Variants in PTCD3 observed in about 807,000 individuals in gnomAD.
PTCD3 encodes the protein small ribosomal subunit protein mS39.
A neutral mutation model predicts 101.9 loss-of-function variants in PTCD3; 89 were observed. The observed-to-expected ratio is 0.87, with a 90% CI of 0.74 to 1.04. PTCD3 has a LOEUF of 1.04. PTCD3 is among the 50% of genes least tolerant of loss of function. The probability of loss-of-function intolerance (pLI) is 0.00; values close to 1 mark genes in which losing one functional copy is unlikely to be tolerated. For missense variants in PTCD3, 870 were observed against 828.2 expected, an observed-to-expected ratio of 1.05 and a Z score of -0.62; for synonymous variants, 296 against 278.5, an observed-to-expected ratio of 1.06 and a Z score of -0.63.
intron 10 of PTCD3, 152 bp downstream of exon 10, chr2:86,125,234 A>T: frequency 2.3e-6 from 3 of 1,287,310 alleles, no homozygotes; most frequent in Non-Finnish European, 3.2e-6. Context: ...TACCCACTGG[A>T]TGTGAGTAGT....
At position 86,133,236 on chromosome 2, in the gene PTCD3, T is replaced by C. The variant is rs769800860; in HGVS notation, c.1432T>C (p.Tyr478His). ...MEQIDVTLKW[Y>H]EDLIPSAYFP... ...ACAAATTGATGTTACCTTGAAGTGG[T>C]ATGAGGACCTGATACCTTCAGTAAG... The change falls in exon 18 of 24, where the codon TAT becomes CAT. Residue 478 changes from tyrosine to histidine, a missense_variant. By Grantham distance (83) the Tyr-to-His change is moderately conservative. Coordinates refer to ENST00000254630, the MANE Select transcript of PTCD3 (RefSeq NM_017952.6). The C allele has an allele frequency of 3.1e-6, 5 of 1,614,174 alleles. No individual in the cohort carries two copies. Among genetic ancestry groups the C allele is most frequent in the Non-Finnish European group, 4.2e-6 (5 of 1,180,014 alleles).
Position 86,134,294 on chromosome 2 carries a change from A to G in PTCD3, c.1546A>G (p.Ser516Gly). 1 of 1,604,932 alleles carries G rather than the reference A, an allele frequency of 6.2e-7. No homozygotes were observed. The highest frequency in any genetic ancestry group is 8.5e-7 in the Non-Finnish European group (1 of 1,171,824). ...CCTTGTTCCTTTCTTGTTTCAAGAT[A>G]GTAAAGAATATGGTCATACTTTCCG... ...LEVIPKIWKD[S>G]KEYGHTFRSD... Residue 516 changes from serine (S) to glycine (G), a missense_variant and splice_region_variant, in exon 20 of 24, where the codon AGT becomes GGT. Coordinates refer to ENST00000254630, the MANE Select transcript of PTCD3 (RefSeq NM_017952.6).
At chr2:86,124,481 T>C (rs554366178) in intron 9 of PTCD3, among the ~76,000 whole-genome samples, 2 of 152,246 alleles carry the variant, frequency 1.3e-5, no homozygotes, top group South Asian at 4.2e-4. Flanking sequence ...AACAATTAGC[T>C]AGGCGTGGTG....
In PTCD3 at chr2:86,139,065, G is replaced by A. The variant is rs1674641972; in HGVS notation, c.*1506G>A. ...TGATTTGTTAGCTTGGTACTTTTAA[G>A]TTTGTGGTACAGATCCTCCAAACCC... On this transcript the variant is annotated 3_prime_UTR_variant, in exon 24 of 24. Transcript: ENST00000254630. 1 of 152,208 alleles carries A rather than the reference G, an allele frequency of 6.6e-6. No homozygotes were observed. The highest frequency in any genetic ancestry group is 2.1e-4 in the South Asian group (1 of 4,832). The allele number at this position is 152,208 out of a possible 1,614,324, so 9.4% of individuals were successfully genotyped here.
rs781082336 is a variant in PTCD3 at position 86,127,272 on chromosome 2, C to T, written c.1063C>T (p.Gln355Ter). The T allele has an allele frequency of 3.7e-6, 6 of 1,613,998 alleles. No individual in the cohort carries two copies. The highest frequency in any genetic ancestry group is 5.1e-6 in the Non-Finnish European group (6 of 1,180,026). Reference sequence around the variant, plus strand: ...TGTGTTTGCAAGATCGCCAGCCTTACAGGTTTTACGTGAAATGAAAGCCAT... The same window carrying T: ...TGTGTTTGCAAGATCGCCAGCCTTATAGGTTTTACGTGAAATGAAAGCCAT... ...FHVFARSPAL[Q>*]VLREMKAIGI... The change falls in exon 13 of 24, where the codon CAG becomes TAG. Residue 355 changes from glutamine to a stop codon, truncating the protein, a stop_gained. Coordinates refer to ENST00000254630, the MANE Select transcript of PTCD3 (RefSeq NM_017952.6). LOFTEE classifies it high-confidence loss of function.
intron 9 of PTCD3, 55 bp from the exon 10 acceptor site, chr2:86,124,939 TA>T: frequency 6.3e-7 from 1 of 1,597,662 alleles, no homozygotes; most frequent in Non-Finnish European, 8.5e-7. Flanking sequence ...TAAATGGTGG[TA>T]GCTCTCATTG....
chr2:86,130,636 C>T lies in PTCD3; in HGVS notation c.1148-12C>T. ...GAAGTGGATTAAACACATTTGCTTT[C>T]TTGTTCTGCAGGAGACCCTTTAAAG... On this transcript the variant is annotated splice_polypyrimidine_tract_variant and intron_variant, in intron 14 of 23. Coordinates refer to ENST00000254630, the MANE Select transcript of PTCD3 (RefSeq NM_017952.6). 1 of 1,605,254 alleles carries T rather than the reference C, an allele frequency of 6.2e-7. No individual in the cohort carries two copies. Among genetic ancestry groups the T allele is most frequent in the Non-Finnish European group, 8.5e-7 (1 of 1,176,052 alleles).
rs1674687417 is a variant in PTCD3 at position 86,141,663 on chromosome 2, C to T, written c.*4104C>T. ...TGAGTTTTAAGATGTTGAACACTGT[C>T]CTACATCAGTGAGGAGGGAGGCAAT... On this transcript the variant is annotated 3_prime_UTR_variant, in exon 24 of 24. Transcript: ENST00000254630. 6.6e-6 allele frequency: 1 copy of T among 152,172 alleles called. No homozygotes were observed. The highest frequency in any genetic ancestry group is 2.4e-5 in the African/African-American group (1 of 41,420). The allele number at this position is 152,172 out of a possible 1,614,324, so 9.4% of individuals were successfully genotyped here.
chr2:86,123,552 C>T (rs964716978), intron 8 of PTCD3, 149 bp from the exon 9 acceptor site: 58 of 564,282 alleles, frequency 1.0e-4, no homozygotes, highest in African/African-American at 7.6e-4. Flanking sequence ...TAGGTGTAAG[C>T]GTAACTGGGC....
At chr2:86,108,263 G>T in intron 1 of PTCD3, 87 bp from the exon 2 acceptor site, 1 of 1,442,664 alleles carries the variant, frequency 6.9e-7, no homozygotes, top group Non-Finnish European at 9.4e-7. Flanking sequence ...GATAATTGGA[G>T]AATTTGGGCT....
chr2:86,131,036 T>C, intron 15 of PTCD3, 42 bp from the exon 16 acceptor site: 1 of 1,581,200 alleles, frequency 6.3e-7, no homozygotes, highest in South Asian at 1.2e-5. Context: ...AAAATATATT[T>C]TATCCATTGT....
At position 86,132,332 on chromosome 2, in the gene PTCD3, AG is replaced by A. The variant is rs1319333577; in HGVS notation, c.1282del (p.Asp428IlefsTer2). 4 of 1,598,528 alleles carry A rather than the reference AG, an allele frequency of 2.5e-6. No individual in the cohort carries two copies. Among genetic ancestry groups the A allele is most frequent in the Non-Finnish European group, 3.4e-6 (4 of 1,167,294 alleles). ...SAMSICSSLR[D>X]LELAYQVHGL... ...CATATTTTCAGTGCTCATCTCTCAG[AG>A]ATCTAGAACTTGCCTACCAAGTACA... On this transcript the variant is annotated frameshift_variant, in exon 17 of 24. Transcript: ENST00000254630. LOFTEE classifies it high-confidence loss of function.
chr2:86,133,368 C>T lies in PTCD3; in HGVS notation c.1475C>T (p.Thr492Ile). ...CAGGCCTACTTTCCCCACTCCCAAACAATGATACATCTTCTCCAAGCATTG... is the reference window on the plus strand; with the variant it reads ...CAGGCCTACTTTCCCCACTCCCAAATAATGATACATCTTCTCCAAGCATTG... ...IPSAYFPHSQ[T>I]MIHLLQALDV... Residue 492 changes from threonine to isoleucine, a missense_variant, in exon 19 of 24, where the codon ACA becomes ATA. Transcript: ENST00000254630. The T allele has an allele frequency of 6.2e-7, 1 of 1,614,136 alleles. No individual in the cohort carries two copies. The highest frequency in any genetic ancestry group is 8.5e-7 in the Non-Finnish European group (1 of 1,179,986).
chr2:86,108,788 AC>A (rs1299498793), intron 3 of PTCD3: 1 of 404,962 alleles, frequency 2.5e-6, no homozygotes, highest in African/African-American at 2.1e-5. Context: ...GTTACTATTT[AC>A]GTGGTTAATA....
chr2:86,107,140 A>T lies in PTCD3; in HGVS notation c.104+789A>T, dbSNP rs1304604547. 6 of 471,006 alleles carry T rather than the reference A, an allele frequency of 1.3e-5. No homozygotes were observed. In the East Asian group the frequency reaches 2.8e-4, roughly 22 times the overall value. The allele number at this position is 471,006 out of a possible 1,614,324, so 29.2% of individuals were successfully genotyped here. ...TAGTTCCCCTCAAGAAAGAGAAACC[A>T]CTCCATCTGATACTGCAGAAACCTT... On this transcript the variant is annotated intron_variant, in intron 1 of 23. Coordinates refer to ENST00000254630, the MANE Select transcript of PTCD3 (RefSeq NM_017952.6).
At position 86,136,504 on chromosome 2, in the gene PTCD3, T is replaced by C; in HGVS notation, c.1779-17T>C. On this transcript the variant is annotated splice_polypyrimidine_tract_variant and intron_variant, in intron 21 of 23. Transcript: ENST00000254630. Reference sequence around the variant, plus strand: ...TTTTTCTAATAGTATTCATAATCTTTTTCCTTTCTTGAGCAGGAAAATGTT... The same window carrying C: ...TTTTTCTAATAGTATTCATAATCTTCTTCCTTTCTTGAGCAGGAAAATGTT... 1 of 1,602,170 alleles carries C rather than the reference T, an allele frequency of 6.2e-7. No individual in the cohort carries two copies. Among genetic ancestry groups the C allele is most frequent in the Non-Finnish European group, 8.6e-7 (1 of 1,169,178 alleles).
intron 3 of PTCD3, among the ~76,000 whole-genome samples, chr2:86,109,134 G>A (rs935380971): frequency 2.0e-5 from 3 of 152,182 alleles, no homozygotes; most frequent in East Asian, 1.9e-4. Context: ...CGCCAGGCGC[G>A]GTGGCTTACG....
intron 14 of PTCD3, among the ~76,000 whole-genome samples, chr2:86,129,503 A>G (rs1674457005): frequency 6.6e-6 from 1 of 152,128 alleles, no homozygotes. Flanking sequence ...GTAGCTGGGC[A>G]TGGTGGCGCA....
At chr2:86,135,449 A>G (rs1235624847) in intron 21 of PTCD3, among the ~76,000 whole-genome samples, 1 of 152,232 alleles carries the variant, frequency 6.6e-6, no homozygotes, top group Non-Finnish European at 1.5e-5. Flanking sequence ...GGCCTTGACC[A>G]CAACCCGTCC....
Sources: allele counts gnomAD v4.1 joint callset (sites outside exome capture counted in the v4.1 genomes callset), GRCh38; gene constraint gnomAD v4.1.1; transcripts MANE v1.5; gene names NCBI Gene and HGNC (gene_info 2026-07-23, HGNC 2026-07-21).